Variants in SHANK2 observed in about 807,000 individuals in gnomAD.
SHANK2 encodes the protein SH3 and multiple ankyrin repeat domains protein 2.
A neutral mutation model predicts 133.7 loss-of-function variants in SHANK2; 43 were observed. The observed-to-expected ratio is 0.32, with a 90% CI of 0.25 to 0.41. The LOEUF is 0.41. Ranked by LOEUF, SHANK2 falls within the 10% of genes least tolerant of loss-of-function variation. SHANK2 has a pLI of 1.00. For synonymous variants in SHANK2, 1,017 were observed against 952.8 expected (o/e 1.07, Z -1.24); for missense variants, 1,994 against 2,235.8 (o/e 0.89, Z 2.18).
intron 1 of SHANK2, among the ~76,000 whole-genome samples, chr11:71,251,724 C>A (rs1948184469): frequency 1.3e-5 from 2 of 151,094 alleles, no homozygotes; most frequent in South Asian, 4.1e-4. Context: ...GTCGGGCACC[C>A]GGCTGTGGCT....
At chr11:70,610,066 C>T (rs1435166472) in intron 17 of SHANK2, among the ~76,000 whole-genome samples, 1 of 149,846 alleles carries the variant, frequency 6.7e-6, no homozygotes, top group Non-Finnish European at 1.5e-5. Flanking sequence ...AGGGGAGCGG[C>T]TGCCAGGAGG....
At chr11:71,121,390 A>G (rs114143593) in intron 3 of SHANK2, among the ~76,000 whole-genome samples, 1,716 of 152,372 alleles carry the variant, frequency 0.011, 36 homozygotes, top group African/African-American at 0.039. Flanking sequence ...TCAAGTTAAG[A>G]TGATGTCATA....
At chr11:71,246,313 A>G (rs1555124992) in intron 1 of SHANK2, among the ~76,000 whole-genome samples, 2 of 152,002 alleles carry the variant, frequency 1.3e-5, no homozygotes, top group East Asian at 1.9e-4. Context: ...ACCCCCACCG[A>G]GGACTCTAGG....
chr11:71,245,954 C>G (rs1954955339), intron 1 of SHANK2, among the ~76,000 whole-genome samples: 1 of 152,136 alleles, frequency 6.6e-6, no homozygotes, highest in Non-Finnish European at 1.5e-5. Context: ...GGGAGTGGAG[C>G]AGATTCTTCA....
chr11:71,149,288 T>G (rs1487431389), intron 2 of SHANK2, among the ~76,000 whole-genome samples: 2 of 152,174 alleles, frequency 1.3e-5, no homozygotes, highest in African/African-American at 4.8e-5. Context: ...AGTTCATCAC[T>G]AGAGACAGCT....
At chr11:70,641,359 C>G (rs2061179416) in intron 17 of SHANK2, among the ~76,000 whole-genome samples, 1 of 152,192 alleles carries the variant, frequency 6.6e-6, no homozygotes, top group African/African-American at 2.4e-5. Flanking sequence ...TCCCAAAGTG[C>G]TGGGATTACA....
chr11:70,747,899 A>G (rs1229659700), intron 14 of SHANK2, among the ~76,000 whole-genome samples: 1 of 152,252 alleles, frequency 6.6e-6, no homozygotes, highest in African/African-American at 2.4e-5. Flanking sequence ...TATAGCACAC[A>G]CATGAGCATA....
At chr11:70,519,287 C>T (rs7949107) in intron 17 of SHANK2, among the ~76,000 whole-genome samples, 35,841 of 152,074 alleles carry the variant, frequency 0.24, 4,491 homozygotes, top group South Asian at 0.31. Flanking sequence ...GGCCCAGATA[C>T]GGGCCGGATA....
At chr11:71,124,098 GTGATCATGA>G (rs1190947735) in intron 3 of SHANK2, among the ~76,000 whole-genome samples, 32 of 117,330 alleles carry the variant, frequency 2.7e-4, no homozygotes, top group Middle Eastern at 5.5e-3. Flanking sequence ...GGCGATGATA[GTGATCATGA>G]TGGTGATGAT....
chr11:70,878,253 G>A (rs1949601825), intron 11 of SHANK2, among the ~76,000 whole-genome samples: 1 of 152,192 alleles, frequency 6.6e-6, no homozygotes, highest in Admixed American at 6.5e-5. Flanking sequence ...GGAGAACTGG[G>A]AATTGGGAGT....
chr11:70,688,802 C>T (rs772016337), intron 15 of SHANK2, among the ~76,000 whole-genome samples: 9 of 152,166 alleles, frequency 5.9e-5, no homozygotes, highest in Non-Finnish European at 1.3e-4. Flanking sequence ...CCTTTCATGA[C>T]TCGGCAGGGA....
chr11:70,721,064 C>A (rs1946065844), intron 14 of SHANK2, among the ~76,000 whole-genome samples: 1 of 152,236 alleles, frequency 6.6e-6, no homozygotes, highest in Non-Finnish European at 1.5e-5. Flanking sequence ...GAGGTGAGAT[C>A]CCTGACTGAC....
intron 14 of SHANK2, among the ~76,000 whole-genome samples, chr11:70,784,693 C>G (rs554692752): frequency 6.6e-5 from 10 of 152,284 alleles, no homozygotes; most frequent in African/African-American, 2.4e-4. Context: ...GTGGCATGGG[C>G]TGAGCTCTGT....
chr11:70,578,776 T>G (rs1292306617), intron 17 of SHANK2, among the ~76,000 whole-genome samples: 1 of 152,158 alleles, frequency 6.6e-6, no homozygotes, highest in African/African-American at 2.4e-5. Flanking sequence ...ACCAAGAGAT[T>G]GGTTTTCTTC....
At chr11:70,818,355 G>T (rs982533127) in intron 12 of SHANK2, among the ~76,000 whole-genome samples, 2 of 152,034 alleles carry the variant, frequency 1.3e-5, no homozygotes, top group African/African-American at 4.8e-5. Flanking sequence ...TCTGTCCCCC[G>T]TTCCTCACAC....
intron 14 of SHANK2, among the ~76,000 whole-genome samples, chr11:70,729,607 C>T (rs1232540516): frequency 1.3e-4 from 20 of 151,262 alleles, no homozygotes; most frequent in African/African-American, 3.6e-4. Context: ...TCACTGCAAG[C>T]TCCGCCTCCC....
intron 10 of SHANK2, among the ~76,000 whole-genome samples, chr11:70,899,097 G>C (rs549798605): frequency 6.6e-6 from 1 of 152,142 alleles, no homozygotes; most frequent in Non-Finnish European, 1.5e-5. Context: ...AAAGACTTAC[G>C]GGCAGGACCA....
At chr11:70,915,665 A>C (rs1316967591) in intron 10 of SHANK2, among the ~76,000 whole-genome samples, 1 of 152,156 alleles carries the variant, frequency 6.6e-6, no homozygotes, top group Non-Finnish European at 1.5e-5. Flanking sequence ...GGCAACAGGC[A>C]TAAGAGAATT....
At chr11:70,634,533 C>G (rs1343569567) in intron 17 of SHANK2, 1 of 152,168 alleles carries the variant, frequency 6.6e-6, no homozygotes, top group Non-Finnish European at 1.5e-5. Context: ...AAAACTCTTA[C>G]AACTCAACAA....
Sources: gnomAD v4.1 joint callset for allele counts (sites outside exome capture counted in the v4.1 genomes callset) on GRCh38, gnomAD v4.1.1 for gene constraint, MANE v1.5 for transcripts, NCBI Gene and HGNC (gene_info 2026-07-23, HGNC 2026-07-21) for gene names.